The following PCNX2 variants were observed in gnomAD, a reference collection of about 807,000 sequenced individuals.
The protein encoded by PCNX2 is pecanex 2, also known as pecanex-like protein 2.
A neutral mutation model predicts 223.8 loss-of-function variants in PCNX2; 168 were observed. The observed-to-expected ratio is 0.75, with a 90% CI of 0.66 to 0.85. PCNX2 has a LOEUF of 0.85. Ranked by LOEUF, PCNX2 falls within the 40% of genes least tolerant of loss-of-function variation. The pLI is 0.00. For synonymous variants in PCNX2, 1,006 were observed against 1,052.6 expected, an observed-to-expected ratio of 0.96 and a Z score of 0.86; for missense variants, 2,507 against 2,675.5, an observed-to-expected ratio of 0.94 and a Z score of 1.39.
chr1:233,283,510 C>T (rs1038629310), intron 1 of PCNX2, among the ~76,000 whole-genome samples: 3 of 152,068 alleles, frequency 2.0e-5, no homozygotes, highest in African/African-American at 7.3e-5. Flanking sequence ...AACGTGCTCA[C>T]AAACTGATGA....
intron 4 of PCNX2, 99 bp downstream of exon 4, chr1:233,261,186 C>A: frequency 8.8e-7 from 1 of 1,137,650 alleles, no homozygotes. Context: ...AGGTATAGTT[C>A]TTATTTTCAA....
chr1:233,095,280 T>C (rs531899806), intron 22 of PCNX2: 1 of 152,892 alleles, frequency 6.5e-6, no homozygotes, highest in African/African-American at 2.4e-5. Context: ...AATTTTTTAG[T>C]CTTCCCAATG....
intron 21 of PCNX2, among the ~76,000 whole-genome samples, chr1:233,097,271 G>GAT (rs1674228319): frequency 6.6e-6 from 1 of 151,722 alleles, no homozygotes; most frequent in Non-Finnish European, 1.5e-5. Context: ...ATGGAAGAAT[G>GAT]ATAGGGAGTG....
chr1:233,147,743 C>G (rs1374741921), intron 19 of PCNX2, among the ~76,000 whole-genome samples: 4 of 152,042 alleles, frequency 2.6e-5, no homozygotes, highest in Non-Finnish European at 5.9e-5. Context: ...GACATTAGAA[C>G]AGCATTTTGT....
intron 19 of PCNX2, among the ~76,000 whole-genome samples, chr1:233,153,031 A>T (rs539500096): frequency 2.0e-5 from 3 of 152,284 alleles, no homozygotes; most frequent in Admixed American, 2.0e-4. Flanking sequence ...TATCTCCTAA[A>T]CTTCCCAAAA....
At chr1:233,264,893 G>A (rs1324377977) in intron 1 of PCNX2, among the ~76,000 whole-genome samples, 1 of 152,138 alleles carries the variant, frequency 6.6e-6, no homozygotes, top group South Asian at 2.1e-4. Flanking sequence ...AAGAGGGTAA[G>A]AAGGAAAAGA....
chr1:233,027,635 A>T (rs185923734), intron 25 of PCNX2, among the ~76,000 whole-genome samples: 2 of 152,332 alleles, frequency 1.3e-5, no homozygotes, highest in African/African-American at 4.8e-5. Context: ...GTGAAAACTT[A>T]CGTCAAGGGT....
At chr1:233,326,160 T>C in the PCNX2 span, among the ~76,000 whole-genome samples, 1 of 152,362 alleles carries the variant, frequency 6.6e-6, no homozygotes, top group East Asian at 1.9e-4. Context: ...TATTGCACAC[T>C]TTATACGCTA....
intron 6 of PCNX2, 46 bp downstream of exon 6, chr1:233,252,595 C>T (rs967110175): frequency 1.3e-5 from 21 of 1,597,600 alleles, no homozygotes; most frequent in Admixed American, 3.5e-5. Context: ...GAGGCTGTCT[C>T]ATGCTTTATG....
chr1:233,227,864 G>GA (rs1164652385), intron 9 of PCNX2, among the ~76,000 whole-genome samples: 2 of 151,868 alleles, frequency 1.3e-5, no homozygotes, highest in African/African-American at 4.8e-5. Flanking sequence ...AATATTTATT[G>GA]AAAAAATCTA....
chr1:233,256,519 A>T (rs1659744804), intron 5 of PCNX2, among the ~76,000 whole-genome samples: 2 of 152,210 alleles, frequency 1.3e-5, no homozygotes. Context: ...ATCACTGGCT[A>T]ATACAGTAGC....
intron 15 of PCNX2, among the ~76,000 whole-genome samples, chr1:233,197,622 C>A (rs1680812342): frequency 6.6e-6 from 1 of 152,054 alleles, no homozygotes; most frequent in Admixed American, 6.5e-5. Context: ...CTCCCAGGCC[C>A]CTCCCCTTTT....
At chr1:233,321,787 A>T in the PCNX2 span, among the ~76,000 whole-genome samples, 1 of 152,218 alleles carries the variant, frequency 6.6e-6, no homozygotes, top group Admixed American at 6.5e-5. Context: ...CTGCATGTGC[A>T]TGACACTGAA....
intron 25 of PCNX2, among the ~76,000 whole-genome samples, 182 bp downstream of exon 25, chr1:233,054,086 T>A (rs564495537): frequency 1.3e-5 from 2 of 152,324 alleles, no homozygotes; most frequent in Admixed American, 1.3e-4. Context: ...ATTCTATGTT[T>A]TATGTTTTTA....
chr1:233,208,776 T>A (rs1233833777), intron 12 of PCNX2, 87 bp from the exon 13 acceptor site: 31 of 943,408 alleles, frequency 3.3e-5, no homozygotes, highest in Non-Finnish European at 8.4e-6. Context: ...CACTATATCA[T>A]ATAACTTATA....
chr1:233,018,014 A>AGTTT (rs762057932), intron 26 of PCNX2, among the ~76,000 whole-genome samples: 5 of 152,108 alleles, frequency 3.3e-5, no homozygotes, highest in South Asian at 4.2e-4. Context: ...CAGGGTTTTC[A>AGTTT]GTTTGTTTGT....
At chr1:233,210,321 A>C (rs1681748493) in intron 12 of PCNX2, among the ~76,000 whole-genome samples, 2 of 152,130 alleles carry the variant, frequency 1.3e-5, no homozygotes, top group Non-Finnish European at 2.9e-5. Flanking sequence ...CTGTCGCCCA[A>C]GGCTGGAGTA....
chr1:233,164,424 A>T (rs1258597515), intron 17 of PCNX2, among the ~76,000 whole-genome samples: 1 of 152,174 alleles, frequency 6.6e-6, no homozygotes, highest in African/African-American at 2.4e-5. Flanking sequence ...ATGATCCAGC[A>T]ATTCCACTAC....
At chr1:233,268,295 C>A (rs1660453478) in intron 1 of PCNX2, among the ~76,000 whole-genome samples, 5 of 152,118 alleles carry the variant, frequency 3.3e-5, no homozygotes, top group Admixed American at 2.6e-4. Context: ...TAACTACAGG[C>A]CAATGGGTTT....
Sources: allele counts gnomAD v4.1 joint callset (sites outside exome capture counted in the v4.1 genomes callset), GRCh38; gene constraint gnomAD v4.1.1; transcripts MANE v1.5; gene names NCBI Gene and HGNC (gene_info 2026-07-23, HGNC 2026-07-21).